The following HMCN1 variants were observed in gnomAD, a reference collection of about 807,000 sequenced individuals.
The protein encoded by HMCN1 is hemicentin 1.
A neutral mutation model predicts 625.9 loss-of-function variants in HMCN1; 321 were observed. The ratio of observed to expected loss-of-function variants is 0.51; its 90% CI spans 0.47 to 0.56. HMCN1 has a LOEUF of 0.56. Among genes scored for constraint, HMCN1 ranks in the 20% least tolerant of loss-of-function variants. The pLI, the probability that HMCN1 is intolerant of heterozygous loss-of-function variation, is 0.00. For missense variants in HMCN1, 6,588 were observed against 6,887.3 expected, an observed-to-expected ratio of 0.96 and a Z score of 1.54; for synonymous variants, 2,425 against 2,417.6, an observed-to-expected ratio of 1.00 and a Z score of -0.09.
chr1:185,826,649 T>C (rs932619045), intron 1 of HMCN1, among the ~76,000 whole-genome samples: 1 of 152,202 alleles, frequency 6.6e-6, no homozygotes, highest in African/African-American at 2.4e-5. Flanking sequence ...CCAGTCTTCA[T>C]TGGTTGAGCA....
At chr1:186,098,091 C>T (rs576107474) in intron 68 of HMCN1, among the ~76,000 whole-genome samples, 190 of 151,986 alleles carry the variant, frequency 1.3e-3, no homozygotes, top group Non-Finnish European at 2.2e-3. Context: ...TCCCAAACTA[C>T]GAAACTACTA....
intron 16 of HMCN1, among the ~76,000 whole-genome samples, chr1:185,978,648 G>A (rs758603354): frequency 2.0e-5 from 3 of 151,954 alleles, no homozygotes; most frequent in African/African-American, 7.3e-5. Context: ...CTTTTAATCA[G>A]TTACTGCTAA....
chr1:185,919,382 T>C (rs1360377937), intron 6 of HMCN1, among the ~76,000 whole-genome samples: 5 of 151,956 alleles, frequency 3.3e-5, no homozygotes, highest in Non-Finnish European at 5.9e-5. Context: ...TACCTTTTTG[T>C]ACTTTGATGC....
intron 79 of HMCN1, 40 bp from the exon 80 acceptor site, chr1:186,119,970 CT>C (rs373891232): frequency 2.1e-4 from 332 of 1,560,134 alleles, no homozygotes; most frequent in South Asian, 7.2e-4. Context: ...AATGAACAGG[CT>C]TTTTTTTTTC....
At chr1:185,874,005 G>C (rs751159913) in intron 4 of HMCN1, among the ~76,000 whole-genome samples, 1 of 151,820 alleles carries the variant, frequency 6.6e-6, no homozygotes, top group East Asian at 1.9e-4. Context: ...AAGTAGAAAA[G>C]CCTTGGCTAT....
intron 9 of HMCN1, among the ~76,000 whole-genome samples, chr1:185,926,017 G>A (rs951642093): frequency 2.6e-5 from 4 of 152,174 alleles, no homozygotes; most frequent in Admixed American, 6.5e-5. Context: ...TAGAGGCACC[G>A]ACTTTTCCTT....
chr1:185,894,540 T>C (rs1665369632), intron 4 of HMCN1, among the ~76,000 whole-genome samples: 1 of 152,226 alleles, frequency 6.6e-6, no homozygotes, highest in African/African-American at 2.4e-5. Context: ...TCACTGGGCA[T>C]GATTGTTCAT....
At chr1:185,895,339 C>T (rs1026320149) in intron 4 of HMCN1, among the ~76,000 whole-genome samples, 1 of 152,080 alleles carries the variant, frequency 6.6e-6, no homozygotes, top group Non-Finnish European at 1.5e-5. Flanking sequence ...TTATCCTATA[C>T]TTCCATTTCT....
At chr1:185,983,449 A>T (rs1360896035) in intron 18 of HMCN1, among the ~76,000 whole-genome samples, 1 of 152,086 alleles carries the variant, frequency 6.6e-6, no homozygotes, top group African/African-American at 2.4e-5. Flanking sequence ...AATAAAAATT[A>T]AAAAAAAGTG....
Position 186,087,533 on chromosome 1 carries a change from A to T in HMCN1, c.9251A>T (p.Asn3084Ile). ...GTSVSLECES[N>I]AVPPPVITWY... ...TCTGTGTCTTTGGAGTGTGAGTCGAACGCTGTGCCACCTCCAGTCATCACT... is the reference window on the plus strand; with the variant it reads ...TCTGTGTCTTTGGAGTGTGAGTCGATCGCTGTGCCACCTCCAGTCATCACT... The change falls in exon 60 of 107, where the codon AAC becomes ATC. Residue 3084 changes from asparagine (N) to isoleucine (I), a missense_variant. Around this residue, in one of 3 missense-constraint regions of HMCN1, gnomAD observed 4,628 missense variants for 4,853.1 expected, o/e 0.95. Coordinates refer to ENST00000271588, the MANE Select transcript of HMCN1 (RefSeq NM_031935.3). 1 of 1,613,292 alleles carries T rather than the reference A, an allele frequency of 6.2e-7. No individual in the cohort carries two copies. Among genetic ancestry groups the T allele is most frequent in the Admixed American group, 1.7e-5 (1 of 59,900 alleles).
At chr1:185,756,018 C>CTGTACTCTGTACCTG (rs1655111965) in intron 1 of HMCN1, among the ~76,000 whole-genome samples, 2 of 152,130 alleles carry the variant, frequency 1.3e-5, no homozygotes, top group Non-Finnish European at 2.9e-5. Flanking sequence ...CTCAGGAGAA[C>CTGTACTCTGTACCTG]TGTACTCTGT....
intron 1 of HMCN1, among the ~76,000 whole-genome samples, chr1:185,804,752 A>G (rs560301648): frequency 5.9e-5 from 9 of 152,138 alleles, no homozygotes; most frequent in Admixed American, 5.2e-4. Flanking sequence ...TTCCGCAGAA[A>G]TTCTTATTTA....
At chr1:186,144,482 A>T in intron 90 of HMCN1, 51 bp from the exon 91 acceptor site, 1 of 1,613,362 alleles carries the variant, frequency 6.2e-7, no homozygotes. Context: ...AGAGTGTAAC[A>T]CGATGGTTCC....
At chr1:186,149,352 C>G (rs1650532168) in intron 93 of HMCN1, among the ~76,000 whole-genome samples, 1 of 152,212 alleles carries the variant, frequency 6.6e-6, no homozygotes, top group African/African-American at 2.4e-5. Flanking sequence ...TCAGCATGTG[C>G]TGTTCTACCT....
chr1:186,169,771 G>T (rs893506673), intron 100 of HMCN1, among the ~76,000 whole-genome samples: 2 of 152,070 alleles, frequency 1.3e-5, no homozygotes, highest in East Asian at 1.9e-4. Context: ...ACAGGCATAG[G>T]CAAAGACTTC....
intron 11 of HMCN1, among the ~76,000 whole-genome samples, chr1:185,936,032 A>G (rs1388680066): frequency 6.6e-6 from 1 of 152,174 alleles, no homozygotes; most frequent in Non-Finnish European, 1.5e-5. Context: ...TAATACTTGG[A>G]TTGAATACAT....
intron 38 of HMCN1, among the ~76,000 whole-genome samples, chr1:186,039,469 TA>T (rs1656065024): frequency 6.6e-6 from 1 of 152,066 alleles, no homozygotes; most frequent in Non-Finnish European, 1.5e-5. Context: ...CACTCCGGCA[TA>T]AAAAACTGAT....
At chr1:185,849,245 C>G (rs1193421706) in intron 2 of HMCN1, among the ~76,000 whole-genome samples, 1 of 152,130 alleles carries the variant, frequency 6.6e-6, no homozygotes, top group Non-Finnish European at 1.5e-5. Flanking sequence ...ATGCTGTTCT[C>G]GCACAGAGAG....
intron 1 of HMCN1, among the ~76,000 whole-genome samples, chr1:185,766,028 A>C (rs1655848558): frequency 1.3e-5 from 2 of 152,138 alleles, no homozygotes; most frequent in Admixed American, 1.3e-4. Flanking sequence ...CCAGGTATTT[A>C]AGGTAGCTTG....
Sources: gnomAD v4.1 joint callset for allele counts (sites outside exome capture counted in the v4.1 genomes callset) on GRCh38, gnomAD v4.1.1 for gene constraint, gnomAD v4.1.1 regional missense constraint, MANE v1.5 for transcripts, NCBI Gene and HGNC (gene_info 2026-07-23, HGNC 2026-07-21) for gene names.